NFIC: variants seen among roughly 807,000 people sequenced by gnomAD.
The protein encoded by NFIC is nuclear factor I C, also known as nuclear factor 1 C-type.
A neutral mutation model predicts 54.4 loss-of-function variants in NFIC; 12 were observed. The ratio of observed to expected loss-of-function variants is 0.22; its 90% CI spans 0.14 to 0.36. The LOEUF (loss-of-function observed/expected upper bound fraction) is 0.36. Ranked by LOEUF, NFIC falls within the 10% of genes least tolerant of loss-of-function variation. The probability of loss-of-function intolerance (pLI) is 1.00; values close to 1 mark genes in which losing one functional copy is unlikely to be tolerated. For missense variants in NFIC, 575 were observed against 718.2 expected (o/e 0.80, Z 2.28); for synonymous variants, 322 against 319.2 (o/e 1.01, Z -0.09).
chr19:3,385,008 G>A (rs971243255), intron 2 of NFIC, among the ~76,000 whole-genome samples: 19 of 150,060 alleles, frequency 1.3e-4, no homozygotes, highest in East Asian at 8.0e-4. Flanking sequence ...ACCTCTGGGC[G>A]CCTCCCCACC....
chr19:3,428,593 C>T (rs1394392117), intron 3 of NFIC, among the ~76,000 whole-genome samples: 1 of 152,038 alleles, frequency 6.6e-6, no homozygotes, highest in Non-Finnish European at 1.5e-5. Context: ...CCTCACTGGC[C>T]CCCGGTGACT....
chr19:3,439,789 T>C (rs1351875823), intron 6 of NFIC, among the ~76,000 whole-genome samples: 7 of 146,414 alleles, frequency 4.8e-5, no homozygotes, highest in East Asian at 4.2e-4. Flanking sequence ...CCCGGGTTCA[T>C]GCCATTCTCC....
intron 2 of NFIC, among the ~76,000 whole-genome samples, chr19:3,384,946 C>T (rs1335464079): frequency 1.3e-5 from 2 of 151,892 alleles, no homozygotes; most frequent in African/African-American, 4.8e-5. Context: ...CCACCTCCTC[C>T]GTGCTGAGCT....
Position 3,452,148 on chromosome 19 carries a change from G to T in NFIC, c.1085-334G>T, listed in dbSNP as rs1293980571. On this transcript the variant is annotated intron_variant, in intron 7 of 10. Transcript: ENST00000443272. The surrounding 1 kb of genome is among the most constrained non-coding windows in gnomAD (Gnocchi z 5.3). ...AGACCAGGCTCAGTGGGTTACACCT[G>T]TAATCCCCGCACTTTGGGAGGCCTA... Among the ~76,000 whole-genome samples, 6 of 150,110 alleles carry T rather than the reference G, an allele frequency of 4.0e-5. No homozygotes were observed. Among genetic ancestry groups the T allele is most frequent in the Non-Finnish European group, 7.4e-5 (5 of 67,768 alleles).
chr19:3,436,167 C>G (rs991049295), intron 6 of NFIC, among the ~76,000 whole-genome samples: 3 of 127,212 alleles, frequency 2.4e-5, no homozygotes, highest in South Asian at 2.5e-4. Flanking sequence ...GTTTTTGAAA[C>G]GGAGTCTCGG....
At chr19:3,423,357 A>G (rs2081981642) in intron 2 of NFIC, among the ~76,000 whole-genome samples, 1 of 152,140 alleles carries the variant, frequency 6.6e-6, no homozygotes, top group Non-Finnish European at 1.5e-5. Flanking sequence ...CACGTGGAAG[A>G]TGAGAAACAG....
intron 6 of NFIC, among the ~76,000 whole-genome samples, chr19:3,439,414 A>G (rs1344145343): frequency 7.2e-6 from 1 of 139,528 alleles, no homozygotes; most frequent in Non-Finnish European, 1.5e-5. Context: ...AGGCCGAGGC[A>G]GGCGGATCAC....
At chr19:3,431,933 C>G (rs1291285811) in intron 3 of NFIC, among the ~76,000 whole-genome samples, 2 of 152,180 alleles carry the variant, frequency 1.3e-5, no homozygotes, top group Admixed American at 6.6e-5. Context: ...TAGGAACATT[C>G]GTGGACTTTT....
intron 2 of NFIC, among the ~76,000 whole-genome samples, chr19:3,406,019 C>T (rs1312852561): frequency 6.6e-6 from 1 of 152,134 alleles, no homozygotes; most frequent in Non-Finnish European, 1.5e-5. Flanking sequence ...CTTCTGGGCT[C>T]AAGCAATCCT....
chr19:3,380,485 C>G (rs1182816201), intron 1 of NFIC, among the ~76,000 whole-genome samples: 1 of 151,620 alleles, frequency 6.6e-6, no homozygotes, highest in Non-Finnish European at 1.5e-5. Context: ...TCCAATATGC[C>G]TGGCTACATT....
chr19:3,377,173 A>T (rs1235779226), intron 1 of NFIC, among the ~76,000 whole-genome samples: 1 of 151,614 alleles, frequency 6.6e-6, no homozygotes, highest in Non-Finnish European at 1.5e-5. Flanking sequence ...CTAAAAAAAA[A>T]AATACAAAAA....
intron 2 of NFIC, among the ~76,000 whole-genome samples, chr19:3,408,846 A>C (rs1030323471): frequency 2.6e-5 from 4 of 152,004 alleles, no homozygotes; most frequent in African/African-American, 9.7e-5. Context: ...GTGATCCCAA[A>C]GTGCTGGGAT....
chr19:3,408,257 G>C (rs1431781297), intron 2 of NFIC, among the ~76,000 whole-genome samples: 1 of 152,106 alleles, frequency 6.6e-6, no homozygotes. Flanking sequence ...TTTTAAATAA[G>C]TGTGATTATG....
chr19:3,382,393 T>C, intron 2 of NFIC, 150 bp downstream of exon 2: 3 of 1,115,450 alleles, frequency 2.7e-6, no homozygotes, highest in Non-Finnish European at 3.7e-6. Flanking sequence ...GAGTGCCCAA[T>C]GGGGGCGACA....
chr19:3,437,349 C>G (rs2082219638), intron 6 of NFIC, among the ~76,000 whole-genome samples: 1 of 150,260 alleles, frequency 6.7e-6, no homozygotes, highest in Non-Finnish European at 1.5e-5. Flanking sequence ...GCCTGGGTGA[C>G]AGAGCGAGAC....
At chr19:3,440,098 G>A (rs929651421) in intron 6 of NFIC, among the ~76,000 whole-genome samples, 3 of 152,142 alleles carry the variant, frequency 2.0e-5, no homozygotes, top group African/African-American at 7.2e-5. Context: ...AGCTACAACC[G>A]GGATGATTTA....
chr19:3,371,913 TTCCTTCCTTCCTTCCTTCCTTCCTTCCC>T (rs2081019844), intron 1 of NFIC, among the ~76,000 whole-genome samples: 3 of 131,072 alleles, frequency 2.3e-5, no homozygotes, highest in African/African-American at 8.6e-5. Context: ...CCTTCCTTCC[TTCCTTCCTTCCTTCCTTCCTTCCTTCCC>T]TCCCTCCCTC....
At chr19:3,428,702 C>T (rs1316172154) in intron 3 of NFIC, among the ~76,000 whole-genome samples, 1 of 152,160 alleles carries the variant, frequency 6.6e-6, no homozygotes, top group African/African-American at 2.4e-5. Flanking sequence ...CGGCGCTTGG[C>T]CTGGTCCCCT....
At chr19:3,382,386 T>G in intron 2 of NFIC, 143 bp downstream of exon 2, 1 of 1,188,964 alleles carries the variant, frequency 8.4e-7, no homozygotes, top group Non-Finnish European at 1.1e-6. Context: ...CCTTGGAGAG[T>G]GCCCAATGGG....
Sources: allele counts gnomAD v4.1 joint callset (sites outside exome capture counted in the v4.1 genomes callset), GRCh38; gene constraint gnomAD v4.1.1; non-coding constraint Gnocchi (gnomAD v3.1); transcripts MANE v1.5; gene names NCBI Gene and HGNC (gene_info 2026-07-23, HGNC 2026-07-21).